The following VDAC1 variants were observed in gnomAD, a reference collection of about 807,000 sequenced individuals.
VDAC1 encodes the protein non-selective voltage-gated ion channel VDAC1.
A neutral mutation model predicts 34.7 loss-of-function variants in VDAC1; 10 were observed. The observed-to-expected ratio is 0.29, with a 90% CI of 0.18 to 0.49. The LOEUF (loss-of-function observed/expected upper bound fraction) is 0.49, where lower values mean the gene tolerates loss of function less well. Ranked by LOEUF, VDAC1 falls within the 20% of genes least tolerant of loss-of-function variation. VDAC1 has a pLI of 0.99. For synonymous variants in VDAC1, 130 were observed against 136.0 expected, an observed-to-expected ratio of 0.96 and a Z score of 0.30; for missense variants, 230 against 347.9, an observed-to-expected ratio of 0.66 and a Z score of 2.69.
chr5:134,022,535 C>G, the VDAC1 span, among the ~76,000 whole-genome samples: 1 of 152,182 alleles, frequency 6.6e-6, no homozygotes, highest in African/African-American at 2.4e-5. Context: ...TTAATCCAAT[C>G]ATGAGGGCTC....
At chr5:133,995,445 C>G (rs1281469573) in intron 1 of VDAC1, among the ~76,000 whole-genome samples, 1 of 152,220 alleles carries the variant, frequency 6.6e-6, no homozygotes, top group Non-Finnish European at 1.5e-5. Flanking sequence ...CTCCCCCGTT[C>G]TGGGCCCCCA....
the VDAC1 span, among the ~76,000 whole-genome samples, chr5:134,025,329 G>A: frequency 2.1e-3 from 321 of 152,262 alleles, 2 homozygotes; most frequent in South Asian, 9.1e-3. Context: ...CTTTACCATA[G>A]GGAGGGCACC....
the VDAC1 span, among the ~76,000 whole-genome samples, chr5:134,026,390 C>T: frequency 2.0e-5 from 3 of 151,948 alleles, no homozygotes; most frequent in Non-Finnish European, 4.4e-5. Context: ...TGGCGGGCGC[C>T]TGTAGTCTCA....
chr5:134,099,272 C>T, the VDAC1 span, among the ~76,000 whole-genome samples: 1 of 152,166 alleles, frequency 6.6e-6, no homozygotes, highest in African/African-American at 2.4e-5. Flanking sequence ...AGGGTGGCTC[C>T]GGCTTACCCT....
chr5:134,042,261 C>A, the VDAC1 span, among the ~76,000 whole-genome samples: 1 of 152,266 alleles, frequency 6.6e-6, no homozygotes, highest in Admixed American at 6.5e-5. Context: ...TGGGGGGGAC[C>A]AGGCCCTGAT....
At chr5:134,042,903 G>C in the VDAC1 span, among the ~76,000 whole-genome samples, 1 of 152,216 alleles carries the variant, frequency 6.6e-6, no homozygotes, top group Non-Finnish European at 1.5e-5. Flanking sequence ...AGCACATAGT[G>C]GGACAGAAAC....
At chr5:134,105,721 T>C in the VDAC1 span, among the ~76,000 whole-genome samples, 1 of 152,142 alleles carries the variant, frequency 6.6e-6, no homozygotes, top group Non-Finnish European at 1.5e-5. Context: ...GGGACCCGGG[T>C]CTCCCAGCTC....
At chr5:134,014,756 C>T in the VDAC1 span, among the ~76,000 whole-genome samples, 14 of 152,182 alleles carry the variant, frequency 9.2e-5, no homozygotes, top group Non-Finnish European at 1.8e-4. Context: ...GTCTCAGCTG[C>T]TCAGGAGGCT....
the VDAC1 span, among the ~76,000 whole-genome samples, chr5:134,079,297 A>G: frequency 9.2e-5 from 14 of 152,322 alleles, no homozygotes; most frequent in South Asian, 2.1e-4. Context: ...CATCTAGGAC[A>G]GATGCTCTGG....
At chr5:134,038,728 C>T in the VDAC1 span, among the ~76,000 whole-genome samples, 44 of 152,304 alleles carry the variant, frequency 2.9e-4, no homozygotes, top group African/African-American at 1.0e-3. Context: ...CTAATTACCC[C>T]GTGACAATTA....
the VDAC1 span, among the ~76,000 whole-genome samples, chr5:134,033,967 G>A: frequency 6.6e-6 from 1 of 151,992 alleles, no homozygotes. Context: ...ACTCCAGCCT[G>A]GGCAACAGAG....
the VDAC1 span, among the ~76,000 whole-genome samples, chr5:134,053,500 G>A: frequency 2.6e-5 from 4 of 152,220 alleles, no homozygotes; most frequent in Non-Finnish European, 5.9e-5. Flanking sequence ...GGAGGATCCT[G>A]CAGGAGGAAG....
At chr5:134,075,590 T>G in the VDAC1 span, among the ~76,000 whole-genome samples, 1 of 152,196 alleles carries the variant, frequency 6.6e-6, no homozygotes, top group African/African-American at 2.4e-5. Context: ...TTGTTTTTTG[T>G]TTTTTGTTTT....
At chr5:134,057,902 TTTG>T in the VDAC1 span, among the ~76,000 whole-genome samples, 96 of 152,224 alleles carry the variant, frequency 6.3e-4, 2 homozygotes, top group African/African-American at 2.2e-3. Flanking sequence ...TTTGTTTTGT[TTTG>T]TTTTGTTTTA....
chr5:133,980,609 A>T, intron 6 of VDAC1, 120 bp downstream of exon 6: 2 of 854,176 alleles, frequency 2.3e-6, no homozygotes, highest in Non-Finnish European at 3.6e-6. Flanking sequence ...AACTCACTTT[A>T]CAGTGGTTAA....
the VDAC1 span, among the ~76,000 whole-genome samples, chr5:134,048,151 G>A: frequency 1.3e-5 from 2 of 151,698 alleles, no homozygotes; most frequent in East Asian, 1.9e-4. Context: ...CTATTTTTTA[G>A]TAGAGACGGG....
the VDAC1 span, among the ~76,000 whole-genome samples, chr5:134,043,708 T>A: frequency 6.6e-6 from 1 of 151,964 alleles, no homozygotes; most frequent in Non-Finnish European, 1.5e-5. Context: ...AATTTTTGTA[T>A]GTTTTGTAGA....
the VDAC1 span, among the ~76,000 whole-genome samples, chr5:134,064,488 G>A: frequency 3.9e-5 from 6 of 151,962 alleles, no homozygotes; most frequent in Admixed American, 1.3e-4. Flanking sequence ...TATTTTAGTA[G>A]AGATGGGGTT....
rs1004905585 is a variant in VDAC1, at chr5:133,991,033, G to C, written c.239C>G (p.Thr80Arg). The C allele has an allele frequency of 1.2e-6, 2 of 1,614,168 alleles. No homozygotes were observed. Among genetic ancestry groups the C allele is most frequent in the Non-Finnish European group, 1.7e-6 (2 of 1,180,042 alleles). Residue 80 changes from threonine (T) to arginine (R), a missense_variant, in exon 4 of 9, where the codon ACA becomes AGA. Coordinates refer to ENST00000265333, the MANE Select transcript of VDAC1 (RefSeq NM_003374.3). ...TFTEKWNTDNTLGTEITVEDQ... is the reference protein window; with the variant it reads ...TFTEKWNTDNRLGTEITVEDQ... ...TTCCACAGTAATCTCGGTGCCTAGT[G>C]TATTGTCGGTATTCCATTTCTCTGT...
Sources: allele counts gnomAD v4.1 joint callset (sites outside exome capture counted in the v4.1 genomes callset), GRCh38; gene constraint gnomAD v4.1.1; transcripts MANE v1.5; gene names NCBI Gene and HGNC (gene_info 2026-07-23, HGNC 2026-07-21).